Variants in AOPEP observed in about 807,000 individuals in gnomAD.
AOPEP encodes aminopeptidase O (putative).
In AOPEP, 77 loss-of-function variants were observed where a neutral mutation model predicts 98.1. The ratio of observed to expected loss-of-function variants is 0.78; its 90% confidence interval spans 0.65 to 0.95. AOPEP has a LOEUF of 0.95. Ranked by LOEUF, AOPEP falls within the 40% of genes least tolerant of loss-of-function variation. The pLI is 0.00. For synonymous variants in AOPEP, 346 were observed against 365.3 expected, an observed-to-expected ratio of 0.95 and a Z score of 0.60; for missense variants, 1,024 against 1,024.7, an observed-to-expected ratio of 1.00 and a Z score of 0.01.
At chr9:94,768,417 G>T (rs1840115438) in intron 2 of AOPEP, among the ~76,000 whole-genome samples, 1 of 152,192 alleles carries the variant, frequency 6.6e-6, no homozygotes, top group Non-Finnish European at 1.5e-5. Context: ...GGAAGAAAAA[G>T]AAAATATATG....
At chr9:94,743,193 A>AGAAGAAGAAGAAGAG (rs1554695832) in intron 1 of AOPEP, among the ~76,000 whole-genome samples, 11 of 121,930 alleles carry the variant, frequency 9.0e-5, no homozygotes, top group African/African-American at 1.3e-4. Flanking sequence ...AAGAAGAAGA[A>AGAAGAAGAAGAAGAG]GAAGAAGAGG....
chr9:94,788,312 C>T (rs1028029898), intron 3 of AOPEP, among the ~76,000 whole-genome samples: 1 of 152,132 alleles, frequency 6.6e-6, no homozygotes, highest in Admixed American at 6.5e-5. Context: ...CTATTGGTCT[C>T]ATGTGATCCT....
At chr9:94,974,705 G>A (rs528033367) in intron 10 of AOPEP, among the ~76,000 whole-genome samples, 5 of 152,274 alleles carry the variant, frequency 3.3e-5, no homozygotes, top group Middle Eastern at 3.4e-3. Flanking sequence ...TAGTGAGAGG[G>A]GGAAGTCGGC....
chr9:94,801,127 G>A (rs891125315), intron 5 of AOPEP, 125 bp downstream of exon 5: 6 of 1,129,262 alleles, frequency 5.3e-6, no homozygotes, highest in Non-Finnish European at 2.6e-6. Context: ...GGTTGCTCAT[G>A]CTTGGACATC....
chr9:95,010,551 C>T (rs148342052), intron 13 of AOPEP, among the ~76,000 whole-genome samples: 12 of 152,344 alleles, frequency 7.9e-5, no homozygotes, highest in Admixed American at 6.5e-5. Context: ...CTTTCCCAGG[C>T]GTTGGTGCCC....
intron 5 of AOPEP, among the ~76,000 whole-genome samples, chr9:94,848,499 G>A (rs956464933): frequency 6.8e-6 from 1 of 146,882 alleles, no homozygotes; most frequent in African/African-American, 2.5e-5. Flanking sequence ...GGTGCATGCT[G>A]TAGTCCCAGC....
chr9:94,799,332 A>G (rs1029301415), intron 4 of AOPEP, among the ~76,000 whole-genome samples: 2 of 151,810 alleles, frequency 1.3e-5, no homozygotes, highest in African/African-American at 4.8e-5. Flanking sequence ...AGGCAGGAGG[A>G]TCATTTGAAG....
At chr9:94,999,147 CA>C (rs2061409450) in intron 11 of AOPEP, among the ~76,000 whole-genome samples, 1 of 150,914 alleles carries the variant, frequency 6.6e-6, no homozygotes, top group South Asian at 2.1e-4. Flanking sequence ...TAAAAAAAAA[CA>C]AAAAACCCCA....
At chr9:95,023,574 G>T (rs2063623108) in intron 13 of AOPEP, among the ~76,000 whole-genome samples, 1 of 152,210 alleles carries the variant, frequency 6.6e-6, no homozygotes, top group South Asian at 2.1e-4. Context: ...TTTGGTTGAG[G>T]TCTTTGTGAG....
At position 94,930,165 on chromosome 9, in the gene AOPEP, A is replaced by G. The variant is rs535825591; in HGVS notation, c.1661+1634A>G. On this transcript the variant is annotated intron_variant, in intron 7 of 16. Transcript: ENST00000375315. This position sits in a 1 kb window ranked among gnomAD's most constrained non-coding sequence, Gnocchi z 4.5. ...GTTGCAGCCTTGCAGTAGTCCATGC[A>G]AGAGGCCCTGGAGTGCCTGTGACAG... 1.3e-5 allele frequency among the ~76,000 whole-genome samples: 2 copies of G among 152,352 alleles called. No homozygotes were observed. Among genetic ancestry groups the G allele is most frequent in the African/African-American group, 4.8e-5 (2 of 41,586 alleles).
intron 1 of AOPEP, among the ~76,000 whole-genome samples, chr9:94,753,891 A>G (rs1836405383): frequency 6.6e-6 from 1 of 152,206 alleles, no homozygotes; most frequent in Admixed American, 6.5e-5. Flanking sequence ...TTTATGCCAC[A>G]TCTTTTTACT....
At chr9:95,102,113 CAT>C in the AOPEP span, among the ~76,000 whole-genome samples, 3 of 152,300 alleles carry the variant, frequency 2.0e-5, no homozygotes, top group Non-Finnish European at 4.4e-5. Flanking sequence ...GCCTTAGACT[CAT>C]AAAGGCCACA....
chr9:95,040,551 C>T (rs1474305010), intron 13 of AOPEP, among the ~76,000 whole-genome samples: 2 of 152,202 alleles, frequency 1.3e-5, no homozygotes, highest in African/African-American at 4.8e-5. Flanking sequence ...CCCAGGATTC[C>T]AGCTCTTCCT....
intron 13 of AOPEP, chr9:95,005,980 C>T: frequency 2.1e-6 from 1 of 486,046 alleles, no homozygotes; most frequent in South Asian, 1.6e-5. Context: ...GGTTTCCATG[C>T]TGTACTTTCT....
chr9:95,053,716 GTT>G, intron 13 of AOPEP, among the ~76,000 whole-genome samples: 1 of 151,328 alleles, frequency 6.6e-6, no homozygotes. Context: ...TTTTGTTGTT[GTT>G]GTTGTTGTTG....
At chr9:95,025,263 C>A (rs1001876101) in intron 13 of AOPEP, among the ~76,000 whole-genome samples, 1 of 152,160 alleles carries the variant, frequency 6.6e-6, no homozygotes, top group Non-Finnish European at 1.5e-5. Flanking sequence ...TCTTCCTTCT[C>A]CCGTGATCCA....
intron 16 of AOPEP, chr9:95,086,149 G>A: frequency 7.4e-7 from 1 of 1,347,666 alleles, no homozygotes; most frequent in Non-Finnish European, 9.9e-7. Context: ...GAGAGCTGGG[G>A]CTCCCACTCG....
intron 5 of AOPEP, among the ~76,000 whole-genome samples, chr9:94,808,315 C>T (rs1849700118): frequency 6.6e-6 from 1 of 152,238 alleles, no homozygotes; most frequent in African/African-American, 2.4e-5. Flanking sequence ...GCTGGGATTA[C>T]AGGCGTGAGC....
chr9:94,901,257 G>C (rs1024515702), intron 5 of AOPEP, among the ~76,000 whole-genome samples: 3 of 152,166 alleles, frequency 2.0e-5, no homozygotes, highest in African/African-American at 7.2e-5. Context: ...AAAAAGTATA[G>C]AGTATTCAAG....
Sources: allele counts gnomAD v4.1 joint callset (sites outside exome capture counted in the v4.1 genomes callset), GRCh38; gene constraint gnomAD v4.1.1; non-coding constraint Gnocchi (gnomAD v3.1); transcripts MANE v1.5; gene names NCBI Gene and HGNC (gene_info 2026-07-23, HGNC 2026-07-21).